SPECC1: variants seen among roughly 807,000 people sequenced by gnomAD.
SPECC1 encodes the protein cytospin-B.
SPECC1 carries 62 observed loss-of-function variants against 104.1 expected under a neutral mutation model. That is an observed-to-expected ratio of 0.60 (90% confidence interval 0.49 to 0.74). The LOEUF is 0.74. Among genes scored for constraint, SPECC1 ranks in the 30% least tolerant of loss-of-function variants. The pLI is 0.00. For missense variants in SPECC1, 1,306 were observed against 1,310.5 expected (o/e 1.00, Z 0.05); for synonymous variants, 513 against 501.6 (o/e 1.02, Z -0.30).
intron 3 of SPECC1, among the ~76,000 whole-genome samples, chr17:20,113,343 A>G (rs1275883175): frequency 6.6e-6 from 1 of 152,190 alleles, no homozygotes; most frequent in African/African-American, 2.4e-5. Flanking sequence ...GATGCATTTG[A>G]GGATTTTAAT....
intron 14 of SPECC1, among the ~76,000 whole-genome samples, chr17:20,307,060 G>A (rs960918014): frequency 1.4e-4 from 22 of 152,070 alleles, no homozygotes; most frequent in African/African-American, 5.3e-4. Context: ...TTGGAATTAA[G>A]ACCACAATAT....
intron 1 of SPECC1, among the ~76,000 whole-genome samples, chr17:20,010,949 C>T (rs2043922087): frequency 6.6e-6 from 1 of 152,182 alleles, no homozygotes; most frequent in Non-Finnish European, 1.5e-5. Context: ...TGTAGATTTT[C>T]GTCTTAAAAT....
At chr17:20,218,666 G>C (rs1428937353) in intron 4 of SPECC1, among the ~76,000 whole-genome samples, 2 of 151,598 alleles carry the variant, frequency 1.3e-5, no homozygotes, top group African/African-American at 4.9e-5. Context: ...TGGGTACATA[G>C]TAGGTATATA....
chr17:20,047,946 C>T (rs2045600659), intron 1 of SPECC1, among the ~76,000 whole-genome samples: 1 of 152,134 alleles, frequency 6.6e-6, no homozygotes, highest in African/African-American at 2.4e-5. Context: ...AATTCCACTT[C>T]ACTTCTTACC....
At chr17:20,108,235 A>G (rs1303647687) in intron 2 of SPECC1, among the ~76,000 whole-genome samples, 1 of 133,514 alleles carries the variant, frequency 7.5e-6, no homozygotes. Flanking sequence ...AAAAAAAAGG[A>G]AAAAAAAAAA....
At chr17:20,120,559 T>C (rs779490295) in intron 3 of SPECC1, among the ~76,000 whole-genome samples, 24 of 152,222 alleles carry the variant, frequency 1.6e-4, no homozygotes, top group Non-Finnish European at 2.6e-4. Flanking sequence ...AGAGGAAATT[T>C]CTTTTCACAG....
At chr17:20,237,514 C>T (rs948145694) in intron 7 of SPECC1, 5 of 194,214 alleles carry the variant, frequency 2.6e-5, no homozygotes, top group African/African-American at 7.0e-5. Context: ...GGGGTTTCAC[C>T]GTGTTGGCCA....
chr17:20,166,230 G>A (rs1390873869), intron 3 of SPECC1, among the ~76,000 whole-genome samples: 1 of 152,128 alleles, frequency 6.6e-6, no homozygotes, highest in East Asian at 1.9e-4. Context: ...AATAACTAAA[G>A]CAAAACCTAT....
chr17:20,226,695 G>T (rs1264755382), intron 4 of SPECC1, among the ~76,000 whole-genome samples: 1 of 152,178 alleles, frequency 6.6e-6, no homozygotes, highest in Non-Finnish European at 1.5e-5. Flanking sequence ...TTAAAAAATT[G>T]AACAGATGAA....
chr17:20,257,612 C>A lies in SPECC1; in HGVS notation c.2837+5C>A. On this transcript the variant is annotated splice_donor_5th_base_variant and intron_variant, in intron 11 of 14. Transcript: ENST00000395527. ...GAAACCACAAAGCAAACTCAGGTAT[C>A]GTGTTTCAAACAATAAGAAATCAGA... 1 of 1,610,826 alleles carries A rather than the reference C, an allele frequency of 6.2e-7. No homozygotes were observed. Among genetic ancestry groups the A allele is most frequent in the Non-Finnish European group, 8.5e-7 (1 of 1,179,280 alleles).
intron 5 of SPECC1, among the ~76,000 whole-genome samples, chr17:20,229,223 A>G (rs148933629): frequency 6.6e-6 from 1 of 152,092 alleles, no homozygotes; most frequent in African/African-American, 2.4e-5. Flanking sequence ...TTTGCTATTT[A>G]AAATGGCCCT....
intron 7 of SPECC1, among the ~76,000 whole-genome samples, chr17:20,241,638 A>G (rs1425119890): frequency 1.3e-5 from 2 of 152,140 alleles, no homozygotes; most frequent in Non-Finnish European, 2.9e-5. Flanking sequence ...TTTGATTCTT[A>G]TTGTTGGGAT....
intron 10 of SPECC1, among the ~76,000 whole-genome samples, chr17:20,255,074 A>G (rs926057991): frequency 3.3e-5 from 5 of 152,148 alleles, no homozygotes; most frequent in African/African-American, 1.2e-4. Flanking sequence ...GATTCTTTCT[A>G]CCATGTGCCT....
chr17:20,106,829 T>TTG (rs1237029658), intron 2 of SPECC1, among the ~76,000 whole-genome samples: 1 of 151,998 alleles, frequency 6.6e-6, no homozygotes, highest in African/African-American at 2.4e-5. Flanking sequence ...TACAGTCCAG[T>TTG]TGCTAAATTA....
intron 7 of SPECC1, among the ~76,000 whole-genome samples, chr17:20,234,145 A>G (rs895777900): frequency 6.6e-6 from 1 of 152,202 alleles, no homozygotes; most frequent in Non-Finnish European, 1.5e-5. Context: ...TGCATCCTGC[A>G]TCTTCAATCT....
chr17:20,183,853 C>G (rs953381479), intron 3 of SPECC1, among the ~76,000 whole-genome samples: 11 of 151,932 alleles, frequency 7.2e-5, no homozygotes, highest in Admixed American at 6.6e-4. Flanking sequence ...CCGACTATAT[C>G]ATTCTTATGA....
intron 9 of SPECC1, among the ~76,000 whole-genome samples, chr17:20,251,766 G>C (rs747232476): frequency 9.2e-5 from 14 of 152,176 alleles, no homozygotes; most frequent in African/African-American, 1.4e-4. Flanking sequence ...ACTATCTGCT[G>C]GGCTGTGTTT....
intron 12 of SPECC1, among the ~76,000 whole-genome samples, chr17:20,275,697 G>C (rs745726933): frequency 3.3e-5 from 5 of 152,208 alleles, no homozygotes; most frequent in Non-Finnish European, 7.3e-5. Context: ...GAAAGGACTT[G>C]TTAGTTGCAT....
chr17:20,087,898 G>A (rs34290687), intron 1 of SPECC1, among the ~76,000 whole-genome samples: 75,508 of 151,888 alleles, frequency 0.5, 19,335 homozygotes, highest in Middle Eastern at 0.6. Context: ...TAAGAAAGAC[G>A]CCTCCTAGAG....
Sources: allele counts gnomAD v4.1 joint callset (sites outside exome capture counted in the v4.1 genomes callset), GRCh38; gene constraint gnomAD v4.1.1; transcripts MANE v1.5; gene names NCBI Gene and HGNC (gene_info 2026-07-23, HGNC 2026-07-21).